PDE11A: variants seen among roughly 807,000 people sequenced by gnomAD.
PDE11A encodes dual 3',5'-cyclic-AMP and -GMP phosphodiesterase 11A.
PDE11A carries 100 observed loss-of-function variants against 100.5 expected under a neutral mutation model. That is an observed-to-expected ratio of 1.00 (90% CI 0.85 to 1.18). The LOEUF is 1.18. Ranked by LOEUF, PDE11A falls within the 50% of genes most tolerant of loss-of-function variation. The probability of loss-of-function intolerance (pLI) is 0.00; values close to 1 mark genes in which losing one functional copy is unlikely to be tolerated. For synonymous variants in PDE11A, 381 were observed against 420.8 expected (o/e 0.91, Z 1.16); for missense variants, 1,141 against 1,152.6 (o/e 0.99, Z 0.15).
chr2:177,679,872 T>C (rs761375478), intron 16 of PDE11A, among the ~76,000 whole-genome samples: 6 of 151,678 alleles, frequency 4.0e-5, no homozygotes, highest in South Asian at 4.2e-4. Context: ...AGGGCACCAG[T>C]GGAGGGGCTG....
intron 6 of PDE11A, among the ~76,000 whole-genome samples, chr2:177,837,480 T>C (rs868394051): frequency 1.3e-4 from 19 of 151,354 alleles, no homozygotes; most frequent in Middle Eastern, 3.2e-3. Context: ...TTCTTTCTTT[T>C]TTTTTTTTTT....
At chr2:177,928,029 G>T (rs2085153644) in intron 2 of PDE11A, among the ~76,000 whole-genome samples, 1 of 150,920 alleles carries the variant, frequency 6.6e-6, no homozygotes, top group Non-Finnish European at 1.5e-5. Context: ...GCTTGAACCT[G>T]GGAAGTGGAG....
chr2:177,846,467 G>C (rs1336309674), intron 5 of PDE11A, among the ~76,000 whole-genome samples: 2 of 152,152 alleles, frequency 1.3e-5, no homozygotes, highest in African/African-American at 2.4e-5. Flanking sequence ...AATTATTTCT[G>C]CTTTTGGAAG....
intron 2 of PDE11A, among the ~76,000 whole-genome samples, chr2:178,006,830 G>GT (rs1041365567): frequency 4.0e-5 from 6 of 150,898 alleles, no homozygotes; most frequent in African/African-American, 1.5e-4. Context: ...ACAAGGGGGG[G>GT]GGGGGAAGCC....
chr2:177,793,278 G>A (rs1238531779), intron 9 of PDE11A, among the ~76,000 whole-genome samples: 4 of 152,158 alleles, frequency 2.6e-5, no homozygotes, highest in African/African-American at 4.8e-5. Flanking sequence ...AGGCCCTAAT[G>A]TGCCCCTCCT....
At chr2:177,802,541 A>G (rs1272126773) in intron 9 of PDE11A, among the ~76,000 whole-genome samples, 1 of 152,058 alleles carries the variant, frequency 6.6e-6, no homozygotes, top group Non-Finnish European at 1.5e-5. Context: ...AAAGTTATAT[A>G]CCCAACCTGG....
At chr2:178,083,775 T>C (rs570211873) in intron 2 of PDE11A, among the ~76,000 whole-genome samples, 141 of 152,378 alleles carry the variant, frequency 9.3e-4, no homozygotes, top group Non-Finnish European at 1.7e-3. Flanking sequence ...ATATGAAATT[T>C]AGTGACAGAA....
intron 4 of PDE11A, among the ~76,000 whole-genome samples, chr2:177,882,026 G>C (rs1360378835): frequency 1.3e-5 from 2 of 152,184 alleles, no homozygotes; most frequent in African/African-American, 4.8e-5. Context: ...AAACAGTATT[G>C]CAATGATAGA....
intron 10 of PDE11A, among the ~76,000 whole-genome samples, chr2:177,752,179 A>C (rs1339288376): frequency 6.6e-6 from 1 of 152,178 alleles, no homozygotes; most frequent in African/African-American, 2.4e-5. Context: ...TCATCTCCAA[A>C]ATAGTATCTG....
intron 2 of PDE11A, among the ~76,000 whole-genome samples, chr2:177,963,916 C>T (rs2085666026): frequency 6.6e-6 from 1 of 152,162 alleles, no homozygotes; most frequent in African/African-American, 2.4e-5. Context: ...CCATGGCATG[C>T]CCTCCACTGA....
intron 5 of PDE11A, among the ~76,000 whole-genome samples, chr2:177,875,648 T>C (rs538544096): frequency 7.2e-5 from 11 of 152,268 alleles, no homozygotes; most frequent in Admixed American, 7.2e-4. Flanking sequence ...CCCAAAGTGC[T>C]GGGATTACAG....
chr2:177,671,737 C>G lies in PDE11A; in HGVS notation c.2488-2170G>C, dbSNP rs544201201. 3.3e-5 allele frequency among the ~76,000 whole-genome samples: 5 copies of G among 151,010 alleles called. No homozygotes were observed. The East Asian group carries it at 9.6e-4, about 29-fold the overall frequency. On this transcript the variant is annotated intron_variant, in intron 17 of 19. Coordinates refer to ENST00000286063, the MANE Select transcript of PDE11A (RefSeq NM_016953.4). Reference sequence around the variant, plus strand: ...ATGTTTCTGCACTTTTCAACAGAAACTCACATCCAGAAAATAAAATAATAT... The same window carrying G: ...ATGTTTCTGCACTTTTCAACAGAAAGTCACATCCAGAAAATAAAATAATAT...
At chr2:177,703,934 T>C (rs2081239635) in intron 13 of PDE11A, among the ~76,000 whole-genome samples, 1 of 152,252 alleles carries the variant, frequency 6.6e-6, no homozygotes, top group African/African-American at 2.4e-5. Flanking sequence ...AGGCAGCCAC[T>C]GTCTATGGTT....
chr2:177,699,955 G>C (rs562244352), intron 14 of PDE11A, among the ~76,000 whole-genome samples: 1 of 152,304 alleles, frequency 6.6e-6, no homozygotes, highest in Admixed American at 6.5e-5. Context: ...TACAAAGGTG[G>C]TGGTTTGTCA....
chr2:177,693,494 C>G (rs1265855890), intron 15 of PDE11A, among the ~76,000 whole-genome samples: 1 of 152,156 alleles, frequency 6.6e-6, no homozygotes, highest in Non-Finnish European at 1.5e-5. Context: ...TTCCCCATTT[C>G]ACTGTCCCAG....
chr2:177,794,338 G>A (rs1410092085), intron 9 of PDE11A, among the ~76,000 whole-genome samples: 1 of 152,210 alleles, frequency 6.6e-6, no homozygotes, highest in Non-Finnish European at 1.5e-5. Context: ...TTAAGGAAAA[G>A]CAAAGAGGCC....
intron 10 of PDE11A, 34 bp downstream of exon 10, chr2:177,769,289 T>C: frequency 7.7e-7 from 1 of 1,296,864 alleles, no homozygotes; most frequent in South Asian, 1.2e-5. Flanking sequence ...AGTTTAACTG[T>C]ATGCACTAAT....
intron 12 of PDE11A, among the ~76,000 whole-genome samples, chr2:177,718,151 G>A (rs562948391): frequency 2.0e-4 from 31 of 152,250 alleles, no homozygotes; most frequent in South Asian, 1.5e-3. Context: ...AGTATATGCC[G>A]GGCATTTTCC....
intron 10 of PDE11A, among the ~76,000 whole-genome samples, chr2:177,730,862 A>G (rs1035684374): frequency 3.3e-5 from 5 of 152,124 alleles, no homozygotes; most frequent in Admixed American, 3.3e-4. Flanking sequence ...TGTTAACTAT[A>G]TGCACATTGT....
Sources: gnomAD v4.1 joint callset for allele counts (sites outside exome capture counted in the v4.1 genomes callset) on GRCh38, gnomAD v4.1.1 for gene constraint, MANE v1.5 for transcripts, NCBI Gene and HGNC (gene_info 2026-07-23, HGNC 2026-07-21) for gene names.